The following CSMD2 variants were observed in gnomAD, a reference collection of about 807,000 sequenced individuals.
CSMD2 encodes the protein CUB and sushi domain-containing protein 2.
Under a neutral mutation model 398.5 loss-of-function variants are expected in CSMD2, and 130 were observed. The observed-to-expected ratio is 0.33, with a 90% CI of 0.28 to 0.38. CSMD2 has a LOEUF of 0.38. Among genes scored for constraint, CSMD2 ranks in the 10% least tolerant of loss-of-function variants. CSMD2 has a pLI of 1.00. For synonymous variants in CSMD2, 1,828 were observed against 1,908.5 expected, an observed-to-expected ratio of 0.96 and a Z score of 1.10; for missense variants, 3,829 against 4,764.9, an observed-to-expected ratio of 0.80 and a Z score of 5.78.
chr1:33,695,796 CTT>C (rs1047880972), intron 24 of CSMD2, among the ~76,000 whole-genome samples: 5 of 152,222 alleles, frequency 3.3e-5, no homozygotes, highest in African/African-American at 1.2e-4. Flanking sequence ...TCCGTGAACT[CTT>C]TGGTCTAGGC....
intron 3 of CSMD2, among the ~76,000 whole-genome samples, chr1:34,022,009 A>T (rs1049848625): frequency 6.6e-6 from 1 of 152,208 alleles, no homozygotes; most frequent in African/African-American, 2.4e-5. Context: ...CTAAAGCTGG[A>T]TCTTACGACT....
At chr1:33,758,432 C>G (rs1197816208) in intron 13 of CSMD2, among the ~76,000 whole-genome samples, 2 of 152,168 alleles carry the variant, frequency 1.3e-5, no homozygotes, top group Non-Finnish European at 2.9e-5. Context: ...CTCTCTCACT[C>G]CAGCTGTGTT....
At chr1:33,872,873 A>G (rs1640571433) in intron 5 of CSMD2, among the ~76,000 whole-genome samples, 1 of 152,228 alleles carries the variant, frequency 6.6e-6, no homozygotes. Context: ...GCTAAGAGTC[A>G]TGGAGAATTA....
intron 22 of CSMD2, among the ~76,000 whole-genome samples, chr1:33,708,337 C>T (rs896044083): frequency 3.9e-5 from 6 of 152,160 alleles, no homozygotes; most frequent in African/African-American, 1.2e-4. Flanking sequence ...ATACACAATG[C>T]ACAAGTGCAC....
At chr1:33,825,257 G>C (rs1658661433) in intron 7 of CSMD2, among the ~76,000 whole-genome samples, 1 of 152,178 alleles carries the variant, frequency 6.6e-6, no homozygotes, top group South Asian at 2.1e-4. Flanking sequence ...AGGTTACTAG[G>C]CATTCCCCTG....
intron 15 of CSMD2, among the ~76,000 whole-genome samples, chr1:33,729,936 A>G (rs1283361067): frequency 1.3e-5 from 2 of 152,216 alleles, no homozygotes; most frequent in African/African-American, 2.4e-5. Context: ...TCTCTGACCC[A>G]GCAATTCTAT....
Position 33,523,413 on chromosome 1 carries a change from T to C in CSMD2, c.10403A>G (p.Tyr3468Cys), listed in dbSNP as rs555430648. The C allele has an allele frequency of 6.9e-7, 1 of 1,446,878 alleles. No homozygotes were observed. Among genetic ancestry groups the C allele is most frequent in the African/African-American group, 1.4e-5 (1 of 71,638 alleles). 89.6% of individuals were successfully genotyped at this position (1,446,878 alleles called of 1,614,324 possible). The change falls in exon 67 of 71, where the codon TAC becomes TGC. Residue 3468 changes from tyrosine (Y) to cysteine (C), a missense_variant. By Grantham distance (194) the Tyr-to-Cys change is radical (BLOSUM62 -2). Around this residue, in one of 5 missense-constraint regions of CSMD2, gnomAD observed 917 missense variants for 1,199.5 expected, o/e 0.76. Transcript: ENST00000373381. ...SGVELHLAGT[Y>C]KKEDFHLLLQ... The stretch of plus-strand genomic sequence containing the variant: ...TAGGAGATGAAAATCTTCTTTCTTG[T>C]AAGTTCCTGGGAAATAAAGTTCAGG...
chr1:33,992,728 T>C (rs1474699360), intron 3 of CSMD2, among the ~76,000 whole-genome samples: 2 of 150,582 alleles, frequency 1.3e-5, no homozygotes, highest in Non-Finnish European at 3.0e-5. Context: ...AAAAAAAAAA[T>C]TAGCCGGGCG....
chr1:33,539,140 G>A (rs1445931004), intron 60 of CSMD2, among the ~76,000 whole-genome samples: 2 of 152,084 alleles, frequency 1.3e-5, no homozygotes, highest in African/African-American at 2.4e-5. Context: ...GCTAATTTTT[G>A]TATTTTTATT....
At chr1:34,038,965 G>A (rs927066283) in intron 2 of CSMD2, among the ~76,000 whole-genome samples, 4 of 152,108 alleles carry the variant, frequency 2.6e-5, no homozygotes, top group Admixed American at 6.5e-5. Flanking sequence ...GTCTTTGCAC[G>A]CACTGTCTCC....
intron 23 of CSMD2, 46 bp from the exon 24 acceptor site, chr1:33,698,990 G>A (rs1235931125): frequency 1.3e-6 from 2 of 1,515,144 alleles, no homozygotes; most frequent in South Asian, 2.5e-5. Flanking sequence ...TATTGTGGCA[G>A]AAACCATGCT....
At position 34,097,964 on chromosome 1, in the gene CSMD2, G is replaced by A. The variant is rs78794831; in HGVS notation, c.188-8771C>T. ...TGCTGCTATAAAGACGCATGCACACGTATGTTTATTGTGGCATTATTCACA... is the reference window on the plus strand; with the variant it reads ...TGCTGCTATAAAGACGCATGCACACATATGTTTATTGTGGCATTATTCACA... On this transcript the variant is annotated intron_variant, in intron 1 of 70. Transcript: ENST00000373381. 4.7e-5 allele frequency among the ~76,000 whole-genome samples: 6 copies of A among 128,518 alleles called. No homozygotes were observed. In the East Asian group the frequency reaches 6.9e-4, roughly 15 times the overall value. 84.3% of individuals were successfully genotyped at this position (128,518 alleles called of 152,430 possible). A position where few individuals can be genotyped will look rare whatever the true frequency, so the allele number is the denominator to read the frequency against.
chr1:33,636,451 C>A lies in CSMD2; in HGVS notation c.4878G>T (p.Gly1626=), dbSNP rs1431592250. 5 of 1,614,054 alleles carry A rather than the reference C, an allele frequency of 3.1e-6. No homozygotes were observed. In the African/African-American group the frequency reaches 6.7e-5, roughly 22 times the overall value. ...LGSSVTYYCH[G]GYEVEGTSTL... ...TCGAGGTGCCCTCAACTTCGTAGCC[C>A]CCGTGGCAGTAGTAGGTGACGGAGG... Residue 1626 remains glycine, a synonymous_variant, in exon 30 of 71, where the codon GGG becomes GGT. Transcript: ENST00000373381. This position sits in a 1 kb window ranked among gnomAD's most constrained non-coding sequence, Gnocchi z 4.8.
intron 1 of CSMD2, among the ~76,000 whole-genome samples, chr1:34,093,852 G>T (rs920098827): frequency 1.3e-5 from 2 of 152,148 alleles, no homozygotes; most frequent in African/African-American, 2.4e-5. Context: ...TTATCCCGGA[G>T]AATTTCCCCA....
chr1:33,934,835 A>T (rs1330465241), intron 4 of CSMD2, among the ~76,000 whole-genome samples: 2 of 35,230 alleles, frequency 5.7e-5, no homozygotes, highest in East Asian at 9.8e-4. Context: ...GTCTCCATGA[A>T]AAAAAAAAAA....
At chr1:33,661,484 T>C (rs978641138) in intron 26 of CSMD2, among the ~76,000 whole-genome samples, 1 of 152,196 alleles carries the variant, frequency 6.6e-6, no homozygotes, top group African/African-American at 2.4e-5. Flanking sequence ...GGCATTAGCA[T>C]AGCAAACGTT....
intron 15 of CSMD2, among the ~76,000 whole-genome samples, chr1:33,738,865 A>C (rs1646966149): frequency 6.6e-6 from 1 of 152,212 alleles, no homozygotes; most frequent in East Asian, 1.9e-4. Context: ...TGTGATACCG[A>C]AGAGAGTTCT....
rs1570976733 is a variant in CSMD2 at position 34,063,197 on chromosome 1, T to A, written c.404+25780A>T. ...GGGGTGGGGACACAGCCAAACCATA[T>A]CATTCCAACCCTGGCCCCTCCAAAT... is the stretch of plus-strand genomic sequence containing the variant. On this transcript the variant is annotated intron_variant, in intron 2 of 70. Transcript: ENST00000373381. Among the ~76,000 whole-genome samples, 4 of 152,096 alleles carry A rather than the reference T, an allele frequency of 2.6e-5. No homozygotes were observed. In the East Asian group the frequency reaches 7.7e-4, roughly 29 times the overall value.
chr1:34,065,449 C>T (rs1320108988), intron 2 of CSMD2, among the ~76,000 whole-genome samples: 1 of 152,060 alleles, frequency 6.6e-6, no homozygotes, highest in Non-Finnish European at 1.5e-5. Context: ...CCAAAACTGC[C>T]CCTTCTCTCC....
Sources: allele counts gnomAD v4.1 joint callset (sites outside exome capture counted in the v4.1 genomes callset), GRCh38; gene constraint gnomAD v4.1.1; regional missense constraint gnomAD v4.1.1; non-coding constraint Gnocchi (gnomAD v3.1); transcripts MANE v1.5; gene names NCBI Gene and HGNC (gene_info 2026-07-23, HGNC 2026-07-21).